The following KIF1B variants were observed in gnomAD, a reference collection of about 807,000 sequenced individuals.
The protein encoded by KIF1B is kinesin family member 1B, also known as kinesin-like protein KIF1B.
In KIF1B, 76 loss-of-function variants were observed where a neutral mutation model predicts 241.9. The ratio of observed to expected loss-of-function variants is 0.31; its 90% CI spans 0.26 to 0.38. The LOEUF (loss-of-function observed/expected upper bound fraction) is 0.38, where lower values mean the gene tolerates loss of function less well. Ranked by LOEUF, KIF1B falls within the 10% of genes least tolerant of loss-of-function variation. The pLI, the probability that KIF1B is intolerant of heterozygous loss-of-function variation, is 1.00. For synonymous variants in KIF1B, 750 were observed against 796.7 expected (o/e 0.94, Z 0.99); for missense variants, 1,622 against 2,271.4 (o/e 0.71, Z 5.81).
intron 29 of KIF1B, among the ~76,000 whole-genome samples, 161 bp downstream of exon 29, chr1:10,336,903 G>T (rs1360395513): frequency 1.3e-5 from 2 of 152,142 alleles, no homozygotes; most frequent in South Asian, 4.1e-4. Flanking sequence ...AGGTAAAGGT[G>T]TATAGACTCA....
intron 22 of KIF1B, among the ~76,000 whole-genome samples, chr1:10,313,614 A>G (rs966828087): frequency 6.4e-5 from 9 of 140,584 alleles, no homozygotes; most frequent in Non-Finnish European, 1.1e-4. Flanking sequence ...GCAGTGGCGC[A>G]ATCTCGGCTC....
chr1:10,239,509 A>G (rs1284467792), intron 2 of KIF1B, among the ~76,000 whole-genome samples: 2 of 151,996 alleles, frequency 1.3e-5, no homozygotes, highest in Non-Finnish European at 2.9e-5. Context: ...TGGTTTTTTT[A>G]AAAGTGTAAT....
chr1:10,272,040 A>G (rs139575976), intron 8 of KIF1B, among the ~76,000 whole-genome samples: 2 of 152,228 alleles, frequency 1.3e-5, no homozygotes, highest in South Asian at 4.1e-4. Context: ...TCTCGAAGAT[A>G]CTTCAGGACT....
intron 15 of KIF1B, among the ~76,000 whole-genome samples, chr1:10,283,236 AAGT>A (rs1431421468): frequency 7.9e-6 from 1 of 126,614 alleles, no homozygotes; most frequent in Non-Finnish European, 1.6e-5. Flanking sequence ...AAAAAAGATA[AAGT>A]TAGAACATTT....
Position 10,374,173 on chromosome 1 carries a change from C to A in KIF1B, c.4947-143C>A. On this transcript the variant is annotated intron_variant, in intron 45 of 48. Transcript: ENST00000676179. This position sits in a 1 kb window ranked among gnomAD's most constrained non-coding sequence, Gnocchi z 4.3. ...ACTTTCTGAAGCCAGCTTGTCTCCT[C>A]AGCTGAGCTCTCTGCAACTCAAGTT... The A allele has an allele frequency of 1.2e-6, 1 of 830,680 alleles. No individual in the cohort carries two copies. Among genetic ancestry groups the A allele is most frequent in the Admixed American group, 1.9e-5 (1 of 53,584 alleles). The allele number at this position is 830,680 out of a possible 1,614,324, so 51.5% of individuals were successfully genotyped here. A position where few individuals can be genotyped will look rare whatever the true frequency, so the allele number is the denominator to read the frequency against.
In KIF1B at chr1:10,321,764, G is replaced by A; in HGVS notation, c.2265G>A (p.Lys755=). The A allele has an allele frequency of 6.2e-7, 1 of 1,614,174 alleles. No homozygotes were observed. Among genetic ancestry groups the A allele is most frequent in the Non-Finnish European group, 8.5e-7 (1 of 1,179,994 alleles). Residue 755 remains lysine, a synonymous_variant, in exon 24 of 49, where the codon AAG becomes AAA. Transcript: ENST00000676179. The stretch of plus-strand genomic sequence containing the variant: ...CCCAATGGGCCTTCCGGAAATGGAA[G>A]TCTCATCAGTTTACTTCATTACGGG... ...ELAQWAFRKW[K]SHQFTSLRDL...
At chr1:10,349,745 A>C (rs1417775378) in intron 37 of KIF1B, among the ~76,000 whole-genome samples, 1 of 152,152 alleles carries the variant, frequency 6.6e-6, no homozygotes, top group Non-Finnish European at 1.5e-5. Flanking sequence ...TATTGGCTAG[A>C]TAGTGTAAAC....
At chr1:10,345,222 A>G (rs1256703191) in intron 34 of KIF1B, among the ~76,000 whole-genome samples, 2 of 152,226 alleles carry the variant, frequency 1.3e-5, no homozygotes, top group Admixed American at 1.3e-4. Context: ...TCATTTACAG[A>G]ATCCTGTATT....
At chr1:10,254,274 T>G (rs1197087283) in intron 2 of KIF1B, among the ~76,000 whole-genome samples, 1 of 152,232 alleles carries the variant, frequency 6.6e-6, no homozygotes, top group Admixed American at 6.5e-5. Flanking sequence ...GTCAAAAAAG[T>G]AATTTTGCTG....
rs1292572217 is a variant in KIF1B, at chr1:10,377,466, C to T, written c.*879C>T. 3 of 226,766 alleles carry T rather than the reference C, an allele frequency of 1.3e-5. No homozygotes were observed. Among genetic ancestry groups the T allele is most frequent in the Non-Finnish European group, 2.6e-5 (3 of 114,080 alleles). The allele number at this position is 226,766 out of a possible 1,614,324, so 14.0% of individuals were successfully genotyped here. A position where few individuals can be genotyped will look rare whatever the true frequency, so the allele number is the denominator to read the frequency against. On this transcript the variant is annotated 3_prime_UTR_variant, in exon 49 of 49. Coordinates refer to ENST00000676179, the MANE Select transcript of KIF1B (RefSeq NM_001365951.3). ...AGCTCCTCACAGCAGGATTCCTGCC[C>T]ACTGTTTTTTCTCTGTTGGGAGGGA...
At chr1:10,291,964 C>T (rs1009207464) in intron 16 of KIF1B, 83 bp from the exon 17 acceptor site, 23 of 1,181,958 alleles carry the variant, frequency 1.9e-5, no homozygotes, top group Non-Finnish European at 2.7e-5. Flanking sequence ...TTTTGCTTTG[C>T]AGGCTTTATT....
chr1:10,279,804 T>G (rs890055399), intron 14 of KIF1B, among the ~76,000 whole-genome samples: 7 of 151,436 alleles, frequency 4.6e-5, no homozygotes, highest in Admixed American at 6.6e-5. Context: ...TCAAGTGATC[T>G]TTCCAGCTCA....
chr1:10,344,319 A>G (rs1286504518), intron 34 of KIF1B, among the ~76,000 whole-genome samples: 1 of 152,146 alleles, frequency 6.6e-6, no homozygotes, highest in Admixed American at 6.5e-5. Flanking sequence ...TCCACCTTAG[A>G]TGTAGAACCA....
At chr1:10,270,415 A>G (rs541446139) in intron 7 of KIF1B, among the ~76,000 whole-genome samples, 5 of 152,304 alleles carry the variant, frequency 3.3e-5, no homozygotes, top group South Asian at 2.1e-4. Flanking sequence ...GTGTTTATCA[A>G]TAGTTCCTTT....
intron 1 of KIF1B, among the ~76,000 whole-genome samples, chr1:10,231,474 C>T (rs895531523): frequency 2.0e-5 from 3 of 148,956 alleles, no homozygotes; most frequent in African/African-American, 7.4e-5. Flanking sequence ...GCAGCCTCCA[C>T]CTCCTGGGTT....
chr1:10,251,870 C>G (rs1647469178), intron 2 of KIF1B, among the ~76,000 whole-genome samples: 1 of 152,052 alleles, frequency 6.6e-6, no homozygotes. Flanking sequence ...AGGACTACCT[C>G]AGAGGGCATG....
chr1:10,306,057 C>G (rs1650814380), intron 22 of KIF1B: 1 of 1,046,692 alleles, frequency 9.6e-7, no homozygotes, highest in Admixed American at 5.5e-5. Context: ...CGTGTGGGCA[C>G]TATGCTTTAT....
chr1:10,294,222 T>A (rs185984126), intron 17 of KIF1B, among the ~76,000 whole-genome samples: 13 of 152,346 alleles, frequency 8.5e-5, no homozygotes, highest in Admixed American at 7.2e-4. Flanking sequence ...GGTTGGTTTT[T>A]TAAAAAGATT....
In KIF1B at chr1:10,336,736, T is replaced by C. The variant is rs927299436; in HGVS notation, c.3123T>C (p.Phe1041=). 5.6e-6 allele frequency: 9 copies of C among 1,610,664 alleles called. No homozygotes were observed. The highest frequency in any genetic ancestry group is 6.8e-6 in the Non-Finnish European group (8 of 1,176,968). The change falls in exon 29 of 49, where the codon TTT becomes TTC. Residue 1041 remains phenylalanine, a synonymous_variant. Coordinates refer to ENST00000676179, the MANE Select transcript of KIF1B (RefSeq NM_001365951.3). ...TAKISFDNEY[F]NQSDFSSVAM... ...AAATATCTTTTGATAATGAATACTT[T>C]AATCAGGTGAGAAACCGTCAGGAAG...
Sources: allele counts gnomAD v4.1 joint callset (sites outside exome capture counted in the v4.1 genomes callset), GRCh38; gene constraint gnomAD v4.1.1; non-coding constraint Gnocchi (gnomAD v3.1); transcripts MANE v1.5; gene names NCBI Gene and HGNC (gene_info 2026-07-23, HGNC 2026-07-21).